Variants in CNTN4 observed in about 807,000 individuals in gnomAD.
The protein encoded by CNTN4 is contactin-4.
Under a neutral mutation model 122.5 loss-of-function variants are expected in CNTN4, and 77 were observed. That is an observed-to-expected ratio of 0.63 (90% CI 0.52 to 0.76). The LOEUF is 0.76. CNTN4 is among the 30% of genes least tolerant of loss of function. CNTN4 has a pLI of 0.00. For missense variants in CNTN4, 1,256 were observed against 1,259.1 expected, an observed-to-expected ratio of 1.00 and a Z score of 0.04; for synonymous variants, 512 against 447.0, an observed-to-expected ratio of 1.15 and a Z score of -1.83.
rs114973348 is a variant in CNTN4, at chr3:2,637,421, G to T, written c.55+65863G>T. Reference sequence around the variant, plus strand: ...TGGCTTTTTTAAAACTGCAAACCATGATCAAAGTTAGATTAGGCATTCGAT... The same window carrying T: ...TGGCTTTTTTAAAACTGCAAACCATTATCAAAGTTAGATTAGGCATTCGAT... On this transcript the variant is annotated intron_variant, in intron 4 of 24. Coordinates refer to ENST00000418658, the MANE Select transcript of CNTN4 (RefSeq NM_175607.3). Among the ~76,000 whole-genome samples, 506 of 152,156 alleles carry T rather than the reference G, an allele frequency of 3.3e-3. 5 individuals are homozygous for T. The highest frequency in any genetic ancestry group is 6.0e-3 in the Non-Finnish European group (410 of 68,014).
At chr3:2,296,267 G>A (rs952819365) in intron 2 of CNTN4, among the ~76,000 whole-genome samples, 2 of 152,078 alleles carry the variant, frequency 1.3e-5, no homozygotes, top group East Asian at 3.9e-4. Flanking sequence ...ATTACCTTGG[G>A]CAGTATGGCC....
At chr3:2,506,763 G>A (rs2076741245) in intron 3 of CNTN4, among the ~76,000 whole-genome samples, 1 of 152,112 alleles carries the variant, frequency 6.6e-6, no homozygotes, top group Non-Finnish European at 1.5e-5. Context: ...GAAGTACATG[G>A]AGCTCACTTT....
chr3:2,661,113 T>C (rs2083869855), intron 4 of CNTN4, among the ~76,000 whole-genome samples: 1 of 152,224 alleles, frequency 6.6e-6, no homozygotes, highest in Admixed American at 6.5e-5. Flanking sequence ...AAACAGTTTT[T>C]CTTCAGCTGA....
chr3:2,401,701 T>G (rs897410029), intron 3 of CNTN4, among the ~76,000 whole-genome samples: 5 of 152,050 alleles, frequency 3.3e-5, no homozygotes, highest in Non-Finnish European at 7.4e-5. Flanking sequence ...TGGTTTGAAG[T>G]TTTCATCAGG....
At position 2,709,631 on chromosome 3, in the gene CNTN4, T is replaced by C. The variant is rs1474332378; in HGVS notation, c.56-26584T>C. Among the ~76,000 whole-genome samples, 1 of 152,204 alleles carries C rather than the reference T, an allele frequency of 6.6e-6. No homozygotes were observed. The highest frequency in any genetic ancestry group is 1.5e-5 in the Non-Finnish European group (1 of 68,032). On this transcript the variant is annotated intron_variant, in intron 4 of 24. Transcript: ENST00000418658. The surrounding 1 kb of genome is among the most constrained non-coding windows in gnomAD (Gnocchi z 5.0). Reference sequence around the variant, plus strand: ...AATTAATCATTTAAATTCCACAATGTGGCTGGGTGCGGTGGCTCTCACCTG... The same window carrying C: ...AATTAATCATTTAAATTCCACAATGCGGCTGGGTGCGGTGGCTCTCACCTG...
intron 4 of CNTN4, among the ~76,000 whole-genome samples, chr3:2,716,305 A>G (rs1452222884): frequency 6.6e-6 from 1 of 151,504 alleles, no homozygotes; most frequent in African/African-American, 2.4e-5. Flanking sequence ...ATTATCATAT[A>G]TCATTATTGT....
At chr3:2,376,886 G>C (rs545819703) in intron 3 of CNTN4, among the ~76,000 whole-genome samples, 1 of 151,880 alleles carries the variant, frequency 6.6e-6, no homozygotes, top group Non-Finnish European at 1.5e-5. Context: ...AGCAGGGCGC[G>C]GTGGCTCACG....
chr3:2,290,129 A>C (rs2149987302), intron 2 of CNTN4, among the ~76,000 whole-genome samples: 1 of 152,324 alleles, frequency 6.6e-6, no homozygotes, highest in African/African-American at 2.4e-5. Context: ...AATGTGGGAA[A>C]AAATGAAACA....
At chr3:2,822,490 C>A (rs1403588439) in intron 7 of CNTN4, among the ~76,000 whole-genome samples, 3 of 152,164 alleles carry the variant, frequency 2.0e-5, no homozygotes, top group Admixed American at 1.3e-4. Context: ...TATTTAGATT[C>A]AGGTGAAGTT....
intron 3 of CNTN4, among the ~76,000 whole-genome samples, chr3:2,566,876 C>T (rs57606095): frequency 0.11 from 16,649 of 152,210 alleles, 1,010 homozygotes; most frequent in Middle Eastern, 0.21. Flanking sequence ...GAAAAACATA[C>T]TCTGTTGGAA....
intron 2 of CNTN4, among the ~76,000 whole-genome samples, chr3:2,260,383 G>A (rs1040234081): frequency 4.6e-5 from 7 of 151,930 alleles, no homozygotes. Flanking sequence ...AATTGCCCAT[G>A]GTTGAGAACC....
chr3:2,741,444 A>C lies in CNTN4; in HGVS notation c.183-4078A>C, dbSNP rs114238977. Among the ~76,000 whole-genome samples the C allele has an allele frequency of 9.2e-3, 1,404 of 152,316 alleles. 28 individuals carry two copies. Among genetic ancestry groups the C allele is most frequent in the African/African-American group, 0.032 (1,350 of 41,568 alleles). On this transcript the variant is annotated intron_variant, in intron 5 of 24. Transcript: ENST00000418658. Reference sequence around the variant, plus strand: ...GAAAACAACAACTCTCTAATGGACCATATAATTAGGGTGAACATGTAATTT... The same window carrying C: ...GAAAACAACAACTCTCTAATGGACCCTATAATTAGGGTGAACATGTAATTT...
At chr3:2,546,248 A>C (rs1347476830) in intron 3 of CNTN4, among the ~76,000 whole-genome samples, 1 of 152,050 alleles carries the variant, frequency 6.6e-6, no homozygotes, top group Non-Finnish European at 1.5e-5. Flanking sequence ...AAGATGTAGA[A>C]TCAACCTAAA....
At chr3:2,462,614 T>C (rs1489659347) in intron 3 of CNTN4, among the ~76,000 whole-genome samples, 2 of 152,186 alleles carry the variant, frequency 1.3e-5, no homozygotes, top group African/African-American at 4.8e-5. Flanking sequence ...TGCAGCTCAA[T>C]TACAGTCTGG....
intron 3 of CNTN4, among the ~76,000 whole-genome samples, chr3:2,512,233 T>C (rs1443585239): frequency 2.0e-5 from 3 of 151,686 alleles, no homozygotes; most frequent in East Asian, 1.9e-4. Context: ...GCAGGATAAC[T>C]GTTTGGAATA....
At chr3:2,896,995 G>A (rs2094122603) in intron 10 of CNTN4, among the ~76,000 whole-genome samples, 1 of 145,560 alleles carries the variant, frequency 6.9e-6, no homozygotes, top group Non-Finnish European at 1.5e-5. Context: ...TAAGGCCTAA[G>A]GCATATGTTG....
At position 2,997,453 on chromosome 3, in the gene CNTN4, A is replaced by T. The variant is rs10510246; in HGVS notation, c.1486+8981A>T. Among the ~76,000 whole-genome samples, 1,515 of 152,358 alleles carry T rather than the reference A, an allele frequency of 9.9e-3. 41 individuals carry two copies. Among genetic ancestry groups the T allele is most frequent in the Admixed American group, 0.051 (784 of 15,300 alleles). On this transcript the variant is annotated intron_variant, in intron 14 of 24. Transcript: ENST00000418658. ...GCTTGAATCAGAAAGGAGACGTGTC[A>T]GAATAATTCATGAGTGACTCTCCCC...
rs371306717 is a variant in CNTN4 at position 2,997,555 on chromosome 3, C to T, written c.1486+9083C>T. ...TCAAAGAGGCAGTCCTACCAAATCA[C>T]GACTGAATTTCTTTGGCTGTCGCAG... On this transcript the variant is annotated intron_variant, in intron 14 of 24. Coordinates refer to ENST00000418658, the MANE Select transcript of CNTN4 (RefSeq NM_175607.3). 1.4e-3 allele frequency among the ~76,000 whole-genome samples: 220 copies of T among 152,290 alleles called. 1 individual carries two copies. The highest frequency in any genetic ancestry group is 5.2e-3 in the African/African-American group (216 of 41,564).
At chr3:2,683,393 T>C (rs1171297997) in intron 4 of CNTN4, among the ~76,000 whole-genome samples, 1 of 152,014 alleles carries the variant, frequency 6.6e-6, no homozygotes, top group Non-Finnish European at 1.5e-5. Flanking sequence ...GAAAGTTTTG[T>C]TGATGATGTG....
Sources: gnomAD v4.1 joint callset for allele counts (sites outside exome capture counted in the v4.1 genomes callset) on GRCh38, gnomAD v4.1.1 for gene constraint, Gnocchi (gnomAD v3.1) non-coding constraint, MANE v1.5 for transcripts, NCBI Gene and HGNC (gene_info 2026-07-23, HGNC 2026-07-21) for gene names.